Variants in KCNG4 observed in about 807,000 individuals in gnomAD.
KCNG4 encodes the protein voltage-gated potassium channel regulatory subunit KCNG4.
A neutral mutation model predicts 28.2 loss-of-function variants in KCNG4; 30 were observed. The observed-to-expected ratio is 1.06, with a 90% CI of 0.80 to 1.44. The LOEUF (loss-of-function observed/expected upper bound fraction) is 1.44, where lower values mean the gene tolerates loss of function less well. KCNG4 is among the 40% of genes most tolerant of loss of function. The pLI is 0.00. For synonymous variants in KCNG4, 375 were observed against 315.5 expected (o/e 1.19, Z -2.00); for missense variants, 879 against 712.3 (o/e 1.23, Z -2.66).
At chr16:84,228,291 G>A (rs920469222) in intron 2 of KCNG4, among the ~76,000 whole-genome samples, 10 of 152,154 alleles carry the variant, frequency 6.6e-5, no homozygotes, top group African/African-American at 1.4e-4. Flanking sequence ...ACTTCAGAAC[G>A]TGGCCACCTC....
chr16:84,223,668 G>T (rs1269220771), intron 2 of KCNG4, among the ~76,000 whole-genome samples: 4 of 152,182 alleles, frequency 2.6e-5, no homozygotes, highest in African/African-American at 4.8e-5. Context: ...GGTCACAGCA[G>T]TGAAGTGACT....
chr16:84,229,899 C>A (rs1458766244), intron 2 of KCNG4, among the ~76,000 whole-genome samples: 1 of 152,200 alleles, frequency 6.6e-6, no homozygotes, highest in Non-Finnish European at 1.5e-5. Context: ...TTACCAAATG[C>A]CACCAAGCAC....
At chr16:84,232,805 G>A (rs556662435) in intron 2 of KCNG4, among the ~76,000 whole-genome samples, 6 of 151,234 alleles carry the variant, frequency 4.0e-5, no homozygotes, top group African/African-American at 9.7e-5. Context: ...AGGCTGAGGC[G>A]GGAGGATTGC....
At chr16:84,224,407 C>CACACACACACACAT (rs752884388) in intron 2 of KCNG4, among the ~76,000 whole-genome samples, 12,059 of 95,800 alleles carry the variant, frequency 0.13, 627 homozygotes, top group African/African-American at 0.19. Context: ...CATATTTACA[C>CACACACACACACAT]ACACACACAC....
Position 84,236,906 on chromosome 16 carries a change from C to A in KCNG4, c.580G>T (p.Ala194Ser). ...LRQQRETRRP[A>S]SHSSRWGLCM... ...AGGCCCCAGCGCGAGGAGTGCGAGG[C>A]GGGGCGGCGGGTCTCCCTCTGCTGC... The change falls in exon 2 of 3, where the codon GCC becomes TCC. Residue 194 changes from alanine (A) to serine (S), a missense_variant. Transcript: ENST00000308251. 1 of 1,613,382 alleles carries A rather than the reference C, an allele frequency of 6.2e-7. No homozygotes were observed. Among genetic ancestry groups the A allele is most frequent in the Non-Finnish European group, 8.5e-7 (1 of 1,179,948 alleles).
chr16:84,236,437 G>A (rs1176664922), intron 2 of KCNG4: 3 of 462,310 alleles, frequency 6.5e-6, no homozygotes, highest in Admixed American at 3.9e-5. Context: ...GCTGGGAGAG[G>A]TGACACTGTG....
intron 2 of KCNG4, 27 bp from the exon 3 acceptor site, chr16:84,223,047 G>C: frequency 6.7e-7 from 1 of 1,501,356 alleles, no homozygotes; most frequent in Non-Finnish European, 8.9e-7. Flanking sequence ...CAACAACGCG[G>C]GGTAGAGAGT....
chr16:84,233,954 G>A (rs866695721), intron 2 of KCNG4, among the ~76,000 whole-genome samples: 4 of 152,106 alleles, frequency 2.6e-5, no homozygotes, highest in Non-Finnish European at 4.4e-5. Flanking sequence ...CTGTAAAATG[G>A]GGGTAGAAGT....
intron 1 of KCNG4, among the ~76,000 whole-genome samples, chr16:84,238,671 G>A (rs1313670010): frequency 1.3e-5 from 2 of 152,124 alleles, no homozygotes; most frequent in Non-Finnish European, 2.9e-5. Flanking sequence ...TCAGGAGTTC[G>A]AGACCAGCCT....
chr16:84,223,691 C>T (rs7202808), intron 2 of KCNG4, among the ~76,000 whole-genome samples: 11,275 of 152,166 alleles, frequency 0.074, 1,073 homozygotes, highest in East Asian at 0.31. Flanking sequence ...CCTGAGCTCA[C>T]ATACATAGGA....
At chr16:84,233,188 G>A (rs901374961) in intron 2 of KCNG4, among the ~76,000 whole-genome samples, 1 of 152,188 alleles carries the variant, frequency 6.6e-6, no homozygotes, top group African/African-American at 2.4e-5. Flanking sequence ...AGTGCTTAGA[G>A]CACCCCCATT....
chr16:84,222,706 CA>C lies in KCNG4; in HGVS notation c.1070del (p.Leu357ArgfsTer60). 1 of 1,613,266 alleles carries C rather than the reference CA, an allele frequency of 6.2e-7. No homozygotes were observed. The highest frequency in any genetic ancestry group is 1.7e-5 in the Admixed American group (1 of 59,946). On this transcript the variant is annotated frameshift_variant, in exon 3 of 3. Coordinates refer to ENST00000308251, the MANE Select transcript of KCNG4 (RefSeq NM_172347.3). LOFTEE classifies it high-confidence loss of function. ...GGCGCACGGTGAGCCCCAGCGTCTG[CA>C]GCCCCAGCGAGTGGCGAGCCAGGCG... ...VMRLARHSLG[L>X]QTLGLTVRRC...
intron 2 of KCNG4, 23 bp from the exon 3 acceptor site, chr16:84,223,043 C>G: frequency 1.3e-6 from 2 of 1,508,144 alleles, no homozygotes; most frequent in Non-Finnish European, 1.8e-6. Context: ...GAGGCAACAA[C>G]GCGGGGTAGA....
intron 2 of KCNG4, among the ~76,000 whole-genome samples, chr16:84,234,760 C>T (rs1871140649): frequency 6.6e-6 from 1 of 152,248 alleles, no homozygotes; most frequent in East Asian, 1.9e-4. Context: ...GCAGCTGGTC[C>T]CTCTCAGATT....
At position 84,237,501 on chromosome 16, in the gene KCNG4, G is replaced by A. The variant is rs1173105564; in HGVS notation, c.-16C>T. On this transcript the variant is annotated 5_prime_UTR_variant, in exon 2 of 3. Coordinates refer to ENST00000308251, the MANE Select transcript of KCNG4 (RefSeq NM_172347.3). ...GCATGGGCATTGCTGAAGACCACCA[G>A]GTAGGAAGCGCTGGGTTTACCAGTC... 8.1e-6 allele frequency: 12 copies of A among 1,477,536 alleles called. No individual in the cohort carries two copies. The highest frequency in any genetic ancestry group is 9.9e-6 in the Non-Finnish European group (11 of 1,115,002). The allele number at this position is 1,477,536 out of a possible 1,614,324, so 91.5% of individuals were successfully genotyped here.
chr16:84,237,025 TC>T lies in KCNG4; in HGVS notation c.460del (p.Glu154ArgfsTer13), dbSNP rs1904978463. ...CAGGCAGCACCTCTCCAGGTGGGCC[TC>T]CTCGATGCCCCAGTAGGCCAGCTCC... ...QEELAYWGIEEAHLERCCLRK... is the reference protein window; with the variant it reads ...QEELAYWGIEXAHLERCCLRK... On this transcript the variant is annotated frameshift_variant, in exon 2 of 3. Transcript: ENST00000308251. LOFTEE classifies it high-confidence loss of function. 6.2e-7 allele frequency: 1 copy of T among 1,613,774 alleles called. No individual in the cohort carries two copies. Among genetic ancestry groups the T allele is most frequent in the South Asian group, 1.1e-5 (1 of 91,076 alleles).
In KCNG4 at chr16:84,237,125, C is replaced by T. The variant is rs775641061; in HGVS notation, c.361G>A (p.Gly121Arg). 1.9e-6 allele frequency: 3 copies of T among 1,614,028 alleles called. No homozygotes were observed. Among genetic ancestry groups the T allele is most frequent in the South Asian group, 1.1e-5 (1 of 91,090 alleles). The change falls in exon 2 of 3, where the codon GGG (glycine) becomes AGG (arginine). Residue 121 changes from glycine to arginine, a missense_variant. Coordinates refer to ENST00000308251, the MANE Select transcript of KCNG4 (RefSeq NM_172347.3). ...GCCGCCAGGAAGCTCACGATCACCC[C>T]GAAGGCGCTGGGGCTCCTGTCGAAG... Reference protein sequence around the residue: ...FFFDRSPSAFGVIVSFLAAGK... With the variant: ...FFFDRSPSAFRVIVSFLAAGK...
At chr16:84,230,637 A>C (rs1475343247) in intron 2 of KCNG4, among the ~76,000 whole-genome samples, 1 of 152,168 alleles carries the variant, frequency 6.6e-6, no homozygotes, top group African/African-American at 2.4e-5. Flanking sequence ...TTAGTAAGAC[A>C]CTGAAATGTC....
chr16:84,222,151 A>G lies in KCNG4; in HGVS notation c.*66T>C, dbSNP rs1904577126. On this transcript the variant is annotated 3_prime_UTR_variant, in exon 3 of 3. Coordinates refer to ENST00000308251, the MANE Select transcript of KCNG4 (RefSeq NM_172347.3). ...CACCACCAGGTGGTCTATGCGGGGT[A>G]CCCTTGAGTGTGTTTCAGGCAGGGT... 6.6e-7 allele frequency: 1 copy of G among 1,525,294 alleles called. No homozygotes were observed. Among genetic ancestry groups the G allele is most frequent in the Non-Finnish European group, 9.0e-7 (1 of 1,108,634 alleles). 94.5% of individuals were successfully genotyped at this position (1,525,294 alleles called of 1,614,324 possible).
Sources: allele counts gnomAD v4.1 joint callset (sites outside exome capture counted in the v4.1 genomes callset), GRCh38; gene constraint gnomAD v4.1.1; transcripts MANE v1.5; gene names NCBI Gene and HGNC (gene_info 2026-07-23, HGNC 2026-07-21).